SCRN1: variants seen among roughly 807,000 people sequenced by gnomAD.
SCRN1 encodes the protein secernin 1, also known as secernin-1.
In SCRN1, 19 loss-of-function variants were observed where a neutral mutation model predicts 43.3. The observed-to-expected ratio is 0.44, with a 90% CI of 0.31 to 0.64. The LOEUF is 0.64. SCRN1 is among the 30% of genes least tolerant of loss of function. The probability of loss-of-function intolerance (pLI) is 0.09; values close to 1 mark genes in which losing one functional copy is unlikely to be tolerated. For synonymous variants in SCRN1, 183 were observed against 188.9 expected (o/e 0.97, Z 0.26); for missense variants, 447 against 524.1 (o/e 0.85, Z 1.44).
chr7:29,967,600 C>T (rs1788539064), intron 2 of SCRN1, among the ~76,000 whole-genome samples: 3 of 152,088 alleles, frequency 2.0e-5, no homozygotes. Flanking sequence ...CCAAAACCAG[C>T]AGCTTACTTA....
At chr7:29,974,698 T>C (rs1315821369) in intron 1 of SCRN1, among the ~76,000 whole-genome samples, 1 of 151,056 alleles carries the variant, frequency 6.6e-6, no homozygotes, top group African/African-American at 2.4e-5. Flanking sequence ...TTTTTTTTTT[T>C]TTTGAGATGG....
At position 29,926,649 on chromosome 7, in the gene SCRN1, G is replaced by A; in HGVS notation, c.906-17C>T. On this transcript the variant is annotated splice_polypyrimidine_tract_variant and intron_variant, in intron 6 of 7. Coordinates refer to ENST00000242059, the MANE Select transcript of SCRN1 (RefSeq NM_014766.5). ...AATATGGACCTGGAGAGGAAGGAGA[G>A]GCACTTCAGCCAGGCAGAGGCTGGG... is the stretch of plus-strand genomic sequence containing the variant. 1 of 1,608,412 alleles carries A rather than the reference G, an allele frequency of 6.2e-7. No individual in the cohort carries two copies. Among genetic ancestry groups the A allele is most frequent in the East Asian group, 2.2e-5 (1 of 44,756 alleles).
Position 29,980,887 on chromosome 7 carries a change from G to C in SCRN1, c.-2+8755C>G, listed in dbSNP as rs147416004. On this transcript the variant is annotated intron_variant, in intron 1 of 7. Transcript: ENST00000242059. ...TACATTTATGTAAATATAAGTATAG[G>C]TAGGTAGATAGAAAGATAGGCACAT... is the stretch of plus-strand genomic sequence containing the variant. Among the ~76,000 whole-genome samples the C allele has an allele frequency of 7.0e-3, 1,073 of 152,230 alleles. 8 individuals carry two copies. The highest frequency in any genetic ancestry group is 0.029 in the South Asian group (139 of 4,828).
At position 29,923,127 on chromosome 7, in the gene SCRN1, C is replaced by T. The variant is rs1786822639; in HGVS notation, c.*830G>A. 6.6e-6 allele frequency: 1 copy of T among 152,282 alleles called. No homozygotes were observed. The highest frequency in any genetic ancestry group is 1.5e-5 in the Non-Finnish European group (1 of 68,108). The allele number at this position is 152,282 out of a possible 1,614,324, so 9.4% of individuals were successfully genotyped here. A position where few individuals can be genotyped will look rare whatever the true frequency, so the allele number is the denominator to read the frequency against. On this transcript the variant is annotated 3_prime_UTR_variant, in exon 8 of 8. Coordinates refer to ENST00000242059, the MANE Select transcript of SCRN1 (RefSeq NM_014766.5). Reference sequence around the variant, plus strand: ...TTGGTAACTAGACTGGGAATCATTTCTACACAAGGAATCCTGTGATGGCTG... The same window carrying T: ...TTGGTAACTAGACTGGGAATCATTTTTACACAAGGAATCCTGTGATGGCTG...
At chr7:29,959,293 A>AG (rs1354930651) in intron 2 of SCRN1, among the ~76,000 whole-genome samples, 1 of 152,228 alleles carries the variant, frequency 6.6e-6, no homozygotes, top group African/African-American at 2.4e-5. Context: ...TTACGGTGGG[A>AG]GAAGATGGCA....
chr7:29,986,462 T>A (rs963010062), intron 1 of SCRN1, among the ~76,000 whole-genome samples: 14 of 152,244 alleles, frequency 9.2e-5, no homozygotes, highest in African/African-American at 3.4e-4. Context: ...ACACTCAGCA[T>A]ATCTCAATAC....
At chr7:29,981,360 C>G (rs1342387941) in intron 1 of SCRN1, among the ~76,000 whole-genome samples, 18 of 152,112 alleles carry the variant, frequency 1.2e-4, no homozygotes, top group Admixed American at 1.2e-3. Context: ...GAAAACAGAG[C>G]TAAGATGTCT....
intron 1 of SCRN1, among the ~76,000 whole-genome samples, chr7:29,978,584 C>G (rs1788902037): frequency 6.6e-6 from 1 of 152,152 alleles, no homozygotes; most frequent in Admixed American, 6.5e-5. Flanking sequence ...TTCTCTAACT[C>G]TGAGCCAGAG....
chr7:29,985,048 C>G (rs1789108351), intron 1 of SCRN1, among the ~76,000 whole-genome samples: 1 of 144,096 alleles, frequency 6.9e-6, no homozygotes, highest in Non-Finnish European at 1.5e-5. Context: ...GTAATTTGGC[C>G]AAATCTAACA....
At chr7:29,968,761 A>G in intron 2 of SCRN1, 148 bp downstream of exon 2, 2 of 961,004 alleles carry the variant, frequency 2.1e-6, no homozygotes, top group Non-Finnish European at 3.1e-6. Flanking sequence ...CAAGGCTATG[A>G]GCAAACCTGC....
intron 1 of SCRN1, 64 bp from the exon 2 acceptor site, chr7:29,969,132 C>G (rs560474576): frequency 1.8e-5 from 28 of 1,548,756 alleles, no homozygotes; most frequent in Admixed American, 1.5e-4. Flanking sequence ...ACAGTGAGTT[C>G]TTCAAACATA....
chr7:29,971,564 G>T (rs1788665596), intron 1 of SCRN1, among the ~76,000 whole-genome samples: 2 of 151,486 alleles, frequency 1.3e-5, no homozygotes, highest in South Asian at 4.2e-4. Flanking sequence ...GCCCGGAGAG[G>T]CTGAGGCTGC....
chr7:29,968,047 C>T (rs773686187), intron 2 of SCRN1, among the ~76,000 whole-genome samples: 2 of 152,112 alleles, frequency 1.3e-5, no homozygotes, highest in African/African-American at 2.4e-5. Context: ...CATTTCTAGG[C>T]ATCTATCCCA....
intron 5 of SCRN1, among the ~76,000 whole-genome samples, chr7:29,940,040 T>C (rs1787482890): frequency 6.7e-6 from 1 of 150,326 alleles, no homozygotes; most frequent in Admixed American, 6.6e-5. Flanking sequence ...GTCCCAGCTG[T>C]TGGGATGGCA....
intron 6 of SCRN1, among the ~76,000 whole-genome samples, chr7:29,930,024 AATAAATATG>A (rs1319581721): frequency 1.9e-4 from 29 of 152,238 alleles, no homozygotes; most frequent in African/African-American, 6.8e-4. Context: ...AAGAATACAT[AATAAATATG>A]AGGAGGTTCC....
intron 6 of SCRN1, among the ~76,000 whole-genome samples, chr7:29,928,787 T>C (rs1252853279): frequency 6.6e-6 from 1 of 152,176 alleles, no homozygotes; most frequent in Non-Finnish European, 1.5e-5. Context: ...AATAGATGAT[T>C]GCTATACCCC....
intron 6 of SCRN1, among the ~76,000 whole-genome samples, chr7:29,929,946 G>C (rs1214991360): frequency 6.6e-6 from 1 of 152,210 alleles, no homozygotes; most frequent in Admixed American, 6.5e-5. Context: ...CAATGAGGGT[G>C]TCTGGTGCTT....
chr7:29,979,858 C>T (rs912187080), intron 1 of SCRN1, among the ~76,000 whole-genome samples: 1 of 152,152 alleles, frequency 6.6e-6, no homozygotes, highest in Non-Finnish European at 1.5e-5. Context: ...ATAGTCAGAT[C>T]AAGTTCACTG....
intron 2 of SCRN1, among the ~76,000 whole-genome samples, chr7:29,963,259 C>T (rs924477726): frequency 6.6e-6 from 1 of 152,102 alleles, no homozygotes; most frequent in African/African-American, 2.4e-5. Context: ...TAGGACCCCT[C>T]TCTCCTGGGC....
Sources: gnomAD v4.1 joint callset for allele counts (sites outside exome capture counted in the v4.1 genomes callset) on GRCh38, gnomAD v4.1.1 for gene constraint, MANE v1.5 for transcripts, NCBI Gene and HGNC (gene_info 2026-07-23, HGNC 2026-07-21) for gene names.